Variants in SLC44A5 observed in about 807,000 individuals in gnomAD.
SLC44A5 encodes choline transporter-like protein 5.
SLC44A5 carries 57 observed loss-of-function variants against 101.8 expected under a neutral mutation model. The observed-to-expected ratio is 0.56, with a 90% CI of 0.45 to 0.70. The LOEUF (loss-of-function observed/expected upper bound fraction) is 0.70. Ranked by LOEUF, SLC44A5 falls within the 30% of genes least tolerant of loss-of-function variation. SLC44A5 has a pLI of 0.00. For missense variants in SLC44A5, 737 were observed against 853.1 expected, an observed-to-expected ratio of 0.86 and a Z score of 1.70; for synonymous variants, 281 against 290.9, an observed-to-expected ratio of 0.97 and a Z score of 0.35.
At chr1:75,320,928 C>A (rs970514667) in intron 4 of SLC44A5, among the ~76,000 whole-genome samples, 4 of 152,024 alleles carry the variant, frequency 2.6e-5, no homozygotes, top group African/African-American at 9.7e-5. Context: ...GAAAATCATG[C>A]CAGGACTCTA....
the SLC44A5 span, among the ~76,000 whole-genome samples, chr1:75,680,115 G>T: frequency 1.3e-5 from 2 of 152,164 alleles, no homozygotes; most frequent in African/African-American, 4.8e-5. Flanking sequence ...CATAAAGCAA[G>T]TCTTGAGTGA....
intron 2 of SLC44A5, among the ~76,000 whole-genome samples, chr1:75,506,354 G>A (rs1009048711): frequency 7.9e-5 from 12 of 152,156 alleles, no homozygotes; most frequent in Non-Finnish European, 1.2e-4. Context: ...GGTTCTATGT[G>A]AACTTTAGAA....
At chr1:75,210,903 A>C (rs893060777) in intron 23 of SLC44A5, among the ~76,000 whole-genome samples, 4 of 152,206 alleles carry the variant, frequency 2.6e-5, no homozygotes, top group Non-Finnish European at 4.4e-5. Flanking sequence ...TATAATTAAT[A>C]AATAACAACT....
intron 7 of SLC44A5, among the ~76,000 whole-genome samples, chr1:75,246,396 T>G (rs1649110503): frequency 6.6e-6 from 1 of 152,102 alleles, no homozygotes; most frequent in African/African-American, 2.4e-5. Flanking sequence ...CATTCTCTCA[T>G]TCATTCAGTC....
At position 75,357,263 on chromosome 1, in the gene SLC44A5, T is replaced by G; in HGVS notation, c.53-17633A>C. 6.6e-6 allele frequency: 3 copies of G among 454,948 alleles called. 1 individual carries two copies. Among genetic ancestry groups the G allele is most frequent in the South Asian group, 4.7e-5 (3 of 64,336 alleles). The allele number at this position is 454,948 out of a possible 1,614,324, so 28.2% of individuals were successfully genotyped here. A position where few individuals can be genotyped will look rare whatever the true frequency, so the allele number is the denominator to read the frequency against. The stretch of plus-strand genomic sequence containing the variant: ...AAGAGCACTTCCTGTATATCGTCAC[T>G]AAAAGCTCTTGAACTTGGAGGCTCA... On this transcript the variant is annotated intron_variant, in intron 3 of 23. Transcript: ENST00000370859.
Position 75,213,949 on chromosome 1 carries a change from G to C in SLC44A5, c.1843C>G (p.Leu615Val), listed in dbSNP as rs764887023. The C allele has an allele frequency of 1.3e-5, 21 of 1,595,460 alleles. No individual in the cohort carries two copies. The highest frequency in any genetic ancestry group is 1.7e-5 in the Non-Finnish European group (20 of 1,168,802). Reference protein sequence around the residue: ...TDEVTYFVLFLGKLLVAGSIG... With the variant: ...TDEVTYFVLFVGKLLVAGSIG... ...CTTCCAGCAACTAGAAGTTTCCCCA[G>C]GAATAATACAAAGTATGTAACTTCA... The change falls in exon 21 of 24, where the codon CTG becomes GTG. Residue 615 changes from leucine to valine, a missense_variant. Physicochemically the swap from Leu to Val is conservative, Grantham distance 32 (BLOSUM62 1). Transcript: ENST00000370859.
the SLC44A5 span, among the ~76,000 whole-genome samples, chr1:75,621,211 C>T: frequency 6.6e-6 from 1 of 152,144 alleles, no homozygotes. Context: ...AAGGACAAAA[C>T]TGGCCTCATC....
At chr1:75,568,249 A>C (rs1431762531) in intron 1 of SLC44A5, among the ~76,000 whole-genome samples, 2 of 152,344 alleles carry the variant, frequency 1.3e-5, no homozygotes, top group East Asian at 3.9e-4. Flanking sequence ...ATCAATAAAG[A>C]ATGATTACTT....
intron 5 of SLC44A5, among the ~76,000 whole-genome samples, chr1:75,290,596 G>C (rs1032101666): frequency 1.3e-5 from 2 of 152,112 alleles, no homozygotes; most frequent in African/African-American, 4.8e-5. Context: ...ATCAGCAAGA[G>C]AGTCAAAGGA....
chr1:75,283,170 T>TTC (rs1480749630), intron 5 of SLC44A5, among the ~76,000 whole-genome samples: 4 of 151,040 alleles, frequency 2.6e-5, no homozygotes, highest in Admixed American at 2.6e-4. Context: ...AGCATCTATT[T>TTC]TTTTTTTATT....
At chr1:75,678,401 G>A in the SLC44A5 span, among the ~76,000 whole-genome samples, 11,662 of 152,146 alleles carry the variant, frequency 0.077, 1,503 homozygotes, top group African/African-American at 0.27. Context: ...CTCCCAGTAC[G>A]CAGCTGGAGA....
In SLC44A5 at chr1:75,219,788, A is replaced by G. The variant is rs1382277186; in HGVS notation, c.1178+12T>C. ...AACCTGAGGTTTAAAGAGGCCAATT[A>G]CCAAAGGATACACTGCTGTCACGAC... On this transcript the variant is annotated intron_variant, in intron 15 of 23. Transcript: ENST00000370859. The G allele has an allele frequency of 6.3e-7, 1 of 1,590,484 alleles. No individual in the cohort carries two copies. The highest frequency in any genetic ancestry group is 8.6e-7 in the Non-Finnish European group (1 of 1,161,680).
chr1:75,608,609 A>G (rs903864100), intron 1 of SLC44A5, among the ~76,000 whole-genome samples: 2 of 152,164 alleles, frequency 1.3e-5, no homozygotes, highest in South Asian at 2.1e-4. Context: ...AAAGTTTAAT[A>G]TAATTTAGTC....
At chr1:75,700,440 G>C in the SLC44A5 span, among the ~76,000 whole-genome samples, 203 of 150,584 alleles carry the variant, frequency 1.3e-3, no homozygotes, top group Admixed American at 0.012. Context: ...CAGAAATAAA[G>C]ATGTTCTTTG....
intron 1 of SLC44A5, among the ~76,000 whole-genome samples, chr1:75,589,243 C>G (rs993907918): frequency 2.0e-5 from 3 of 152,202 alleles, no homozygotes; most frequent in African/African-American, 7.2e-5. Flanking sequence ...AAAGCCAGAT[C>G]TGAATTTTCA....
chr1:75,267,108 T>G (rs1296503699), intron 6 of SLC44A5, among the ~76,000 whole-genome samples: 1 of 152,186 alleles, frequency 6.6e-6, no homozygotes, highest in African/African-American at 2.4e-5. Context: ...TCTAGTATAT[T>G]GCATAGTGAC....
At chr1:75,435,118 C>A (rs1664813935) in intron 2 of SLC44A5, among the ~76,000 whole-genome samples, 1 of 152,058 alleles carries the variant, frequency 6.6e-6, no homozygotes, top group African/African-American at 2.4e-5. Context: ...TACAAGAGCC[C>A]AGTTTAGTAA....
At chr1:75,505,793 T>C (rs1669219461) in intron 2 of SLC44A5, among the ~76,000 whole-genome samples, 1 of 152,178 alleles carries the variant, frequency 6.6e-6, no homozygotes, top group Non-Finnish European at 1.5e-5. Context: ...TTTCTCCTAT[T>C]CTGTGTGTTG....
chr1:75,635,066 C>T, the SLC44A5 span, among the ~76,000 whole-genome samples: 1 of 150,708 alleles, frequency 6.6e-6, no homozygotes, highest in Non-Finnish European at 1.5e-5. Flanking sequence ...AAATGCTCAC[C>T]ATCACTGGCC....
Sources: gnomAD v4.1 joint callset for allele counts (sites outside exome capture counted in the v4.1 genomes callset) on GRCh38, gnomAD v4.1.1 for gene constraint, MANE v1.5 for transcripts, NCBI Gene and HGNC (gene_info 2026-07-23, HGNC 2026-07-21) for gene names.